The following ABCA12 variants were observed in gnomAD, a reference collection of about 807,000 sequenced individuals.
The protein encoded by ABCA12 is glucosylceramide transporter ABCA12.
A neutral mutation model predicts 293.5 loss-of-function variants in ABCA12; 156 were observed. That is an observed-to-expected ratio of 0.53 (90% confidence interval 0.47 to 0.61). The LOEUF (loss-of-function observed/expected upper bound fraction) is 0.61. Among genes scored for constraint, ABCA12 ranks in the 20% least tolerant of loss-of-function variants. The pLI is 0.00. For synonymous variants in ABCA12, 1,063 were observed against 1,108.0 expected, an observed-to-expected ratio of 0.96 and a Z score of 0.81; for missense variants, 2,797 against 3,090.2, an observed-to-expected ratio of 0.91 and a Z score of 2.25.
chr2:215,062,696 C>T (rs61198394), intron 3 of ABCA12, among the ~76,000 whole-genome samples: 3,517 of 152,120 alleles, frequency 0.023, 151 homozygotes, highest in African/African-American at 0.08. Flanking sequence ...GCATGCAACA[C>T]TCTCTTCCAG....
intron 1 of ABCA12, among the ~76,000 whole-genome samples, chr2:215,119,624 C>T (rs557381722): frequency 5.0e-4 from 75 of 151,500 alleles, no homozygotes; most frequent in African/African-American, 8.2e-4. Context: ...GTGAGTATGT[C>T]GCTTTATTTC....
intron 7 of ABCA12, chr2:215,042,448 T>C (rs1047654338): frequency 1.3e-5 from 2 of 152,190 alleles, no homozygotes; most frequent in Admixed American, 1.3e-4. Flanking sequence ...TATCCCACTA[T>C]GTTGCCCAGG....
chr2:215,020,844 G>A (rs1700614926), intron 11 of ABCA12: 1 of 151,780 alleles, frequency 6.6e-6, no homozygotes, highest in African/African-American at 2.4e-5. Context: ...TAGGACTACA[G>A]GCATATACCT....
At chr2:215,027,682 T>C (rs950408069) in intron 9 of ABCA12, among the ~76,000 whole-genome samples, 1 of 152,172 alleles carries the variant, frequency 6.6e-6, no homozygotes, top group Non-Finnish European at 1.5e-5. Context: ...TTTCATTTTC[T>C]AAATCTGGCA....
intron 15 of ABCA12, among the ~76,000 whole-genome samples, chr2:215,015,078 C>T (rs763843346): frequency 1.2e-4 from 18 of 151,648 alleles, no homozygotes; most frequent in African/African-American, 3.4e-4. Flanking sequence ...TTTTAAAGAA[C>T]GCCAAAAAAA....
rs770738451 is a variant in ABCA12 at position 214,937,562 on chromosome 2, A to G, written c.7490T>C (p.Met2497Thr). ...KVHLKNNKVT[M>T]ETLTKFMQLH... ...CTGCATGAACTTTGTGAGGGTCTCC[A>G]TGGTCACTTTGTTATTCTTCAAGTG... Residue 2497 changes from methionine (M) to threonine (T), a missense_variant, in exon 51 of 53, where the codon ATG becomes ACG. By Grantham distance (81) the Met-to-Thr change is moderately conservative. Coordinates refer to ENST00000272895, the MANE Select transcript of ABCA12 (RefSeq NM_173076.3). 6.8e-6 allele frequency: 11 copies of G among 1,613,878 alleles called. No homozygotes were observed. In the South Asian group the frequency reaches 8.8e-5, roughly 13 times the overall value.
In ABCA12 at chr2:214,968,821, T is replaced by C. The variant is rs1296708772; in HGVS notation, c.5691-14A>G. The C allele has an allele frequency of 1.9e-6, 3 of 1,607,802 alleles. No homozygotes were observed. Among genetic ancestry groups the C allele is most frequent in the Non-Finnish European group, 2.6e-6 (3 of 1,174,648 alleles). ...CAACCTCCATATCTACAGAGAGTAA[T>C]AAAAATATATCTTTGGTTTAGTGGA... On this transcript the variant is annotated splice_polypyrimidine_tract_variant and intron_variant, in intron 37 of 52. Transcript: ENST00000272895.
chr2:215,126,809 C>G (rs188832751), intron 1 of ABCA12, among the ~76,000 whole-genome samples: 2 of 151,816 alleles, frequency 1.3e-5, no homozygotes, highest in East Asian at 3.9e-4. Flanking sequence ...GCTCTGATCT[C>G]GGTTATTTTC....
rs1444279503 is a variant in ABCA12, at chr2:215,111,677, A to T, written c.83T>A (p.Val28Asp). 1 of 1,613,354 alleles carries T rather than the reference A, an allele frequency of 6.2e-7. No individual in the cohort carries two copies. Among genetic ancestry groups the T allele is most frequent in the Non-Finnish European group, 8.5e-7 (1 of 1,179,550 alleles). ...AATAATGACTGGCCATAAGATCAAG[A>T]CAAGTGTCCAAAGCTGCAAAATAAT... The part of the protein sequence containing the change: ...GVKRQPLWTL[V>D]LILWPVIIFI... Residue 28 changes from valine to aspartate, a missense_variant, in exon 2 of 53, where the codon GTC (valine) becomes GAC (aspartate). Val to Asp is a radical substitution (Grantham distance 152, BLOSUM62 -3). This residue lies in a region of ABCA12 where 656 missense variants were observed against 638.2 expected (regional missense o/e 1.03). Transcript: ENST00000272895.
chr2:215,054,914 G>T (rs1490025516), intron 3 of ABCA12, among the ~76,000 whole-genome samples: 1 of 151,986 alleles, frequency 6.6e-6, no homozygotes, highest in South Asian at 2.1e-4. Flanking sequence ...TAATCTTGTA[G>T]AAAGGACATT....
chr2:215,019,719 G>A lies in ABCA12; in HGVS notation c.1365C>T (p.Leu455=), dbSNP rs1367747191. Residue 455 remains leucine (L), a synonymous_variant, in exon 12 of 53, where the codon CTC becomes CTT. Transcript: ENST00000272895. ...TFSLIEKSCQ[L]SDMSFGSLCE... is the part of the protein sequence containing the mutation. Reference sequence around the variant, plus strand: ...ACAGGCTCCCAAAGCTCATATCAGAGAGCTGGCATGACTTCTCTATCAAAC... The same window carrying A: ...ACAGGCTCCCAAAGCTCATATCAGAAAGCTGGCATGACTTCTCTATCAAAC... 1.1e-5 allele frequency: 18 copies of A among 1,614,000 alleles called. No individual in the cohort carries two copies. Among genetic ancestry groups the A allele is most frequent in the East Asian group, 2.2e-5 (1 of 44,892 alleles).
intron 49 of ABCA12, among the ~76,000 whole-genome samples, chr2:214,943,710 G>A (rs1698484465): frequency 6.6e-6 from 1 of 151,972 alleles, no homozygotes; most frequent in Non-Finnish European, 1.5e-5. Context: ...TATTCTGTTG[G>A]CTTTCCTATT....
intron 2 of ABCA12, among the ~76,000 whole-genome samples, chr2:215,079,208 T>C (rs1701890393): frequency 6.6e-6 from 1 of 152,128 alleles, no homozygotes; most frequent in Non-Finnish European, 1.5e-5. Flanking sequence ...GTTCAATATA[T>C]AGAAAAGGTG....
chr2:214,933,753 A>G (rs1470670383), intron 52 of ABCA12, among the ~76,000 whole-genome samples: 2 of 152,172 alleles, frequency 1.3e-5, no homozygotes, highest in African/African-American at 4.8e-5. Context: ...TCTTTAAGAA[A>G]CCTACCATGG....
chr2:215,064,300 G>A, intron 2 of ABCA12, 81 bp from the exon 3 acceptor site: 2 of 1,417,636 alleles, frequency 1.4e-6, no homozygotes, highest in Non-Finnish European at 1.9e-6. Flanking sequence ...TCCACTTTGT[G>A]AAGTTAACCT....
intron 8 of ABCA12, chr2:215,032,375 C>T (rs1430979323): frequency 5.1e-6 from 1 of 194,908 alleles, no homozygotes; most frequent in Non-Finnish European, 1.1e-5. Flanking sequence ...TTTCAAAAAG[C>T]AGCCACTAAT....
At chr2:215,080,520 C>G (rs1701917000) in intron 2 of ABCA12, among the ~76,000 whole-genome samples, 1 of 151,578 alleles carries the variant, frequency 6.6e-6, no homozygotes, top group South Asian at 2.1e-4. Context: ...AGAAAAGATG[C>G]AACTGAGTCA....
chr2:215,134,638 G>C (rs76477225), intron 1 of ABCA12, among the ~76,000 whole-genome samples: 4 of 119,984 alleles, frequency 3.3e-5, no homozygotes, highest in Non-Finnish European at 6.5e-5. Context: ...GAGAGAGAGA[G>C]AGACAAACAG....
chr2:214,967,401 C>T (rs1164362369), intron 38 of ABCA12, among the ~76,000 whole-genome samples: 1 of 152,026 alleles, frequency 6.6e-6, no homozygotes. Flanking sequence ...AGATTGAAAG[C>T]CTTGACATTC....
Sources: allele counts gnomAD v4.1 joint callset (sites outside exome capture counted in the v4.1 genomes callset), GRCh38; gene constraint gnomAD v4.1.1; regional missense constraint gnomAD v4.1.1; transcripts MANE v1.5; gene names NCBI Gene and HGNC (gene_info 2026-07-23, HGNC 2026-07-21).